MIS18A: variants seen among roughly 807,000 people sequenced by gnomAD.
MIS18A encodes the protein protein Mis18-alpha.
Under a neutral mutation model 25.0 loss-of-function variants are expected in MIS18A, and 14 were observed. The observed-to-expected ratio is 0.56, with a 90% CI of 0.37 to 0.88. The LOEUF (loss-of-function observed/expected upper bound fraction) is 0.88. MIS18A is among the 40% of genes least tolerant of loss of function. MIS18A has a pLI of 0.00. For synonymous variants in MIS18A, 134 were observed against 118.6 expected, an observed-to-expected ratio of 1.13 and a Z score of -0.84; for missense variants, 292 against 290.8, an observed-to-expected ratio of 1.00 and a Z score of -0.03.
chr21:32,211,480 C>T, the MIS18A span, among the ~76,000 whole-genome samples: 6 of 152,228 alleles, frequency 3.9e-5, 1 homozygote, highest in South Asian at 1.0e-3. Context: ...TACTTAACTG[C>T]CACCTCAGAC....
chr21:32,199,835 A>G, the MIS18A span, among the ~76,000 whole-genome samples: 2 of 151,956 alleles, frequency 1.3e-5, no homozygotes, highest in African/African-American at 4.8e-5. Flanking sequence ...CAAACAAACA[A>G]ACAAAAAAAG....
chr21:32,203,742 G>C, the MIS18A span, among the ~76,000 whole-genome samples: 1 of 148,616 alleles, frequency 6.7e-6, no homozygotes, highest in Non-Finnish European at 1.5e-5. Context: ...TCAGCCTCCT[G>C]AGTAGCTGGG....
At chr21:32,180,795 C>T in the MIS18A span, among the ~76,000 whole-genome samples, 4 of 152,324 alleles carry the variant, frequency 2.6e-5, no homozygotes, top group South Asian at 8.3e-4. Context: ...CTACTCCCCT[C>T]TGACCTGCTG....
the MIS18A span, among the ~76,000 whole-genome samples, chr21:32,157,851 A>C: frequency 6.6e-6 from 1 of 152,192 alleles, no homozygotes; most frequent in Non-Finnish European, 1.5e-5. Context: ...TATTTCTACT[A>C]TTTTAACTGT....
the MIS18A span, among the ~76,000 whole-genome samples, chr21:32,206,036 G>C: frequency 1.3e-5 from 2 of 152,062 alleles, no homozygotes; most frequent in Non-Finnish European, 2.9e-5. Flanking sequence ...TCAGCTCCTG[G>C]GAATCCAGTG....
downstream of MIS18A, among the ~76,000 whole-genome samples, chr21:32,266,685 C>T (rs1050341084): frequency 4.6e-5 from 7 of 151,782 alleles, no homozygotes; most frequent in Admixed American, 2.0e-4. Context: ...GAAGAAACTC[C>T]GAACACATCT....
the MIS18A span, among the ~76,000 whole-genome samples, chr21:32,205,955 G>A: frequency 6.6e-6 from 1 of 152,112 alleles, no homozygotes; most frequent in African/African-American, 2.4e-5. Flanking sequence ...CGTTCTTGGG[G>A]TTTTTCTCAC....
chr21:32,176,478 T>A, the MIS18A span, among the ~76,000 whole-genome samples: 3 of 152,224 alleles, frequency 2.0e-5, no homozygotes, highest in Non-Finnish European at 4.4e-5. Context: ...TTCAAATATT[T>A]GTAAGCTATA....
chr21:32,168,375 C>T, the MIS18A span, among the ~76,000 whole-genome samples: 12 of 152,096 alleles, frequency 7.9e-5, no homozygotes, highest in African/African-American at 2.9e-4. Context: ...CCAGAAATAA[C>T]ATCCAATAAA....
intron 1 of MIS18A, among the ~76,000 whole-genome samples, chr21:32,275,690 A>G (rs1277229074): frequency 3.3e-5 from 5 of 152,150 alleles, no homozygotes; most frequent in Non-Finnish European, 7.3e-5. Context: ...GGCCTCCTAC[A>G]GTCTACCTTA....
At chr21:32,245,155 T>A in the MIS18A span, among the ~76,000 whole-genome samples, 1 of 152,244 alleles carries the variant, frequency 6.6e-6, no homozygotes, top group African/African-American at 2.4e-5. Context: ...TTCATGATCC[T>A]ATTTAATGTC....
intron 1 of MIS18A, among the ~76,000 whole-genome samples, chr21:32,275,470 A>C (rs2031792425): frequency 6.6e-6 from 1 of 152,110 alleles, no homozygotes; most frequent in African/African-American, 2.4e-5. Flanking sequence ...CATTTCTCTA[A>C]AAGTAACTGA....
chr21:32,242,234 T>TA, the MIS18A span, among the ~76,000 whole-genome samples: 1 of 152,200 alleles, frequency 6.6e-6, no homozygotes, highest in East Asian at 1.9e-4. Context: ...AATTTTCCAA[T>TA]ATAAACCTGA....
At chr21:32,254,060 C>A in the MIS18A span, among the ~76,000 whole-genome samples, 1 of 151,752 alleles carries the variant, frequency 6.6e-6, no homozygotes, top group Non-Finnish European at 1.5e-5. Flanking sequence ...TATGGTGAAA[C>A]CCTGTCTCTA....
chr21:32,255,123 A>G, the MIS18A span, among the ~76,000 whole-genome samples: 2 of 152,214 alleles, frequency 1.3e-5, no homozygotes, highest in Non-Finnish European at 2.9e-5. Flanking sequence ...CTAAGATATT[A>G]ATAGTGGTTA....
At chr21:32,160,588 G>A in the MIS18A span, among the ~76,000 whole-genome samples, 17 of 151,612 alleles carry the variant, frequency 1.1e-4, no homozygotes, top group Non-Finnish European at 2.1e-4. Flanking sequence ...GGAAAGGTGG[G>A]ACAACTCTAA....
the MIS18A span, among the ~76,000 whole-genome samples, chr21:32,234,085 A>G: frequency 6.6e-6 from 1 of 152,240 alleles, no homozygotes; most frequent in Non-Finnish European, 1.5e-5. Context: ...AGGTAATAAC[A>G]ATGTGTCAAC....
the MIS18A span, among the ~76,000 whole-genome samples, chr21:32,203,362 T>C: frequency 1.3e-5 from 2 of 151,954 alleles, no homozygotes; most frequent in Non-Finnish European, 2.9e-5. Context: ...GTACAAGTCA[T>C]GATGAAATCT....
chr21:32,179,791 A>C, the MIS18A span, among the ~76,000 whole-genome samples: 1 of 152,254 alleles, frequency 6.6e-6, no homozygotes. Flanking sequence ...AATGTCACTC[A>C]CTAAGGAATG....
Sources: gnomAD v4.1 joint callset for allele counts (sites outside exome capture counted in the v4.1 genomes callset) on GRCh38, gnomAD v4.1.1 for gene constraint, MANE v1.5 for transcripts, NCBI Gene and HGNC (gene_info 2026-07-23, HGNC 2026-07-21) for gene names.